ASIC2: variants seen among roughly 807,000 people sequenced by gnomAD.
The protein encoded by ASIC2 is acid-sensing ion channel 2.
A neutral mutation model predicts 57.3 loss-of-function variants in ASIC2; 25 were observed. That is an observed-to-expected ratio of 0.44 (90% confidence interval 0.32 to 0.61). ASIC2 has a LOEUF of 0.61. Among genes scored for constraint, ASIC2 ranks in the 20% least tolerant of loss-of-function variants. The pLI, the probability that ASIC2 is intolerant of heterozygous loss-of-function variation, is 0.06. For synonymous variants in ASIC2, 319 were observed against 307.5 expected (o/e 1.04, Z -0.39); for missense variants, 641 against 738.1 (o/e 0.87, Z 1.52).
intron 1 of ASIC2, among the ~76,000 whole-genome samples, chr17:33,634,566 A>T (rs1042012149): frequency 1.5e-5 from 2 of 132,544 alleles, no homozygotes; most frequent in African/African-American, 5.9e-5. Flanking sequence ...CCCAGGCTGG[A>T]GTGCAGTAGT....
chr17:33,809,693 T>C (rs976336105), intron 1 of ASIC2, among the ~76,000 whole-genome samples: 7 of 152,170 alleles, frequency 4.6e-5, no homozygotes, highest in African/African-American at 1.7e-4. Flanking sequence ...CGAAAACTTA[T>C]AAATGGTGTG....
intron 1 of ASIC2, among the ~76,000 whole-genome samples, chr17:33,854,755 T>C (rs562443185): frequency 6.6e-6 from 1 of 152,338 alleles, no homozygotes; most frequent in Non-Finnish European, 1.5e-5. Context: ...GGCTGAGACC[T>C]GGGGACCTCT....
chr17:34,155,791 T>C (rs1904696711), intron 1 of ASIC2: 1 of 641,608 alleles, frequency 1.6e-6, no homozygotes, highest in Non-Finnish European at 2.6e-6. Context: ...CAGTGCTCTA[T>C]CCTGGCCGGT....
At chr17:33,362,701 C>T (rs182570569) in intron 1 of ASIC2, among the ~76,000 whole-genome samples, 12 of 152,360 alleles carry the variant, frequency 7.9e-5, no homozygotes, top group African/African-American at 2.6e-4. Context: ...CCTTGTGCCT[C>T]TCCAGGGCAG....
At position 33,663,449 on chromosome 17, in the gene ASIC2, GT is replaced by G. The variant is rs56220894; in HGVS notation, c.555+492528del. Reference sequence around the variant, plus strand: ...GAATGTAACTGAGGCTAATGCCGTCGTTTTTTTTTTTTCTTCTTCTCCAATC... The same window carrying G: ...GAATGTAACTGAGGCTAATGCCGTCGTTTTTTTTTTTCTTCTTCTCCAATC... On this transcript the variant is annotated intron_variant, in intron 1 of 9. Transcript: ENST00000359872. Among the ~76,000 whole-genome samples the G allele has an allele frequency of 9.6e-3, 1,412 of 147,558 alleles. 17 individuals are homozygous for G. Among genetic ancestry groups the G allele is most frequent in the African/African-American group, 0.03 (1,230 of 40,536 alleles).
intron 1 of ASIC2, among the ~76,000 whole-genome samples, chr17:33,766,989 C>T (rs1037093593): frequency 2.0e-5 from 3 of 152,182 alleles, no homozygotes; most frequent in Admixed American, 6.5e-5. Flanking sequence ...TAATTTTTGA[C>T]CATCATTAAA....
chr17:33,883,408 G>A (rs1366204965), intron 1 of ASIC2, among the ~76,000 whole-genome samples: 2 of 152,170 alleles, frequency 1.3e-5, no homozygotes, highest in African/African-American at 2.4e-5. Context: ...AGAAGCAGGT[G>A]GGGAATCATG....
chr17:33,639,451 C>G (rs1906481917), intron 1 of ASIC2, among the ~76,000 whole-genome samples: 1 of 152,134 alleles, frequency 6.6e-6, no homozygotes, highest in Admixed American at 6.5e-5. Flanking sequence ...AGAAAAGTCT[C>G]TTATGTTTAT....
At chr17:33,074,485 C>T (rs966439626) in intron 3 of ASIC2, among the ~76,000 whole-genome samples, 2 of 152,110 alleles carry the variant, frequency 1.3e-5, no homozygotes, top group Admixed American at 6.5e-5. Flanking sequence ...CCTTCCTTCC[C>T]GAGCACCTGG....
At chr17:33,661,231 G>A (rs17836904) in intron 1 of ASIC2, among the ~76,000 whole-genome samples, 5,567 of 152,222 alleles carry the variant, frequency 0.037, 142 homozygotes, top group South Asian at 0.12. Context: ...ACTTGGGCTC[G>A]TGTCTCGCAA....
chr17:34,052,287 C>T (rs546864772), intron 1 of ASIC2, among the ~76,000 whole-genome samples: 6 of 152,308 alleles, frequency 3.9e-5, no homozygotes, highest in South Asian at 2.1e-4. Flanking sequence ...CCCCCACATA[C>T]GGCATTTAGT....
intron 1 of ASIC2, among the ~76,000 whole-genome samples, chr17:33,379,667 G>A (rs1244872836): frequency 2.0e-5 from 3 of 152,124 alleles, no homozygotes; most frequent in African/African-American, 7.2e-5. Context: ...GGAATGTGGC[G>A]AGGACCATCA....
chr17:33,789,900 C>T (rs1911717158), intron 1 of ASIC2, among the ~76,000 whole-genome samples: 5 of 152,058 alleles, frequency 3.3e-5, no homozygotes, highest in Non-Finnish European at 7.4e-5. Context: ...AGTCCAGGGC[C>T]CAGGTCATGG....
intron 1 of ASIC2, among the ~76,000 whole-genome samples, chr17:33,648,759 G>T (rs1052503354): frequency 2.6e-5 from 4 of 152,118 alleles, no homozygotes; most frequent in African/African-American, 9.7e-5. Context: ...ACATAACTGT[G>T]GTCTATAAAA....
At chr17:33,733,840 C>T (rs1345694237) in intron 1 of ASIC2, among the ~76,000 whole-genome samples, 1 of 152,156 alleles carries the variant, frequency 6.6e-6, no homozygotes, top group East Asian at 1.9e-4. Flanking sequence ...TATTGTCCTA[C>T]TCTTTCCCTG....
rs542633112 is a variant in ASIC2 at position 34,044,100 on chromosome 17, TCA to T, written c.555+111876_555+111877del. Among the ~76,000 whole-genome samples, 1,056 of 145,826 alleles carry T rather than the reference TCA, an allele frequency of 7.2e-3. 8 individuals carry two copies. Among genetic ancestry groups the T allele is most frequent in the Middle Eastern group, 0.039 (11 of 284 alleles). ...AATAAAAGTGGGCCATACCCTTGAA[TCA>T]CACACACACACACACACACACACGC... On this transcript the variant is annotated intron_variant, in intron 1 of 9. Coordinates refer to the ASIC2 transcript ENST00000359872.
intron 1 of ASIC2, among the ~76,000 whole-genome samples, chr17:33,267,033 T>C (rs775158581): frequency 6.6e-6 from 1 of 152,168 alleles, no homozygotes; most frequent in Non-Finnish European, 1.5e-5. Flanking sequence ...TTAGGGGTAA[T>C]CAGTTGACAT....
At chr17:33,068,528 T>A (rs201839455) in intron 3 of ASIC2, among the ~76,000 whole-genome samples, 24 of 149,436 alleles carry the variant, frequency 1.6e-4, no homozygotes, top group African/African-American at 4.2e-4. Context: ...AAACTCCATC[T>A]CAAAACAAAA....
chr17:33,204,205 T>C (rs1567783345), intron 1 of ASIC2, among the ~76,000 whole-genome samples: 1 of 152,248 alleles, frequency 6.6e-6, no homozygotes. Flanking sequence ...TTTTGTCTCA[T>C]GAATATCAAA....
Sources: allele counts gnomAD v4.1 joint callset (sites outside exome capture counted in the v4.1 genomes callset), GRCh38; gene constraint gnomAD v4.1.1; transcripts MANE v1.5; gene names NCBI Gene and HGNC (gene_info 2026-07-23, HGNC 2026-07-21).